Variants in TRAPPC9 observed in about 807,000 individuals in gnomAD.
The protein encoded by TRAPPC9 is IKK2 binding protein.
In TRAPPC9, 83 loss-of-function variants were observed where a neutral mutation model predicts 124.0. The ratio of observed to expected loss-of-function variants is 0.67; its 90% CI spans 0.56 to 0.80. The LOEUF is 0.80. TRAPPC9 is among the 30% of genes least tolerant of loss of function. The pLI, the probability that TRAPPC9 is intolerant of heterozygous loss-of-function variation, is 0.00. For missense variants in TRAPPC9, 1,302 were observed against 1,508.3 expected (o/e 0.86, Z 2.27); for synonymous variants, 638 against 617.5 (o/e 1.03, Z -0.49).
At chr8:139,887,713 T>G (rs1052199341) in intron 20 of TRAPPC9, among the ~76,000 whole-genome samples, 2 of 152,228 alleles carry the variant, frequency 1.3e-5, no homozygotes, top group African/African-American at 2.4e-5. Context: ...AAAGTGTGCA[T>G]GCATCCCATG....
intron 3 of TRAPPC9, among the ~76,000 whole-genome samples, chr8:140,435,721 G>A (rs1012604666): frequency 1.3e-5 from 2 of 152,166 alleles, no homozygotes; most frequent in Non-Finnish European, 2.9e-5. Context: ...CACCCCATAG[G>A]CATCTGCTCC....
At chr8:140,012,869 C>T (rs1284914279) in intron 18 of TRAPPC9, among the ~76,000 whole-genome samples, 1 of 152,156 alleles carries the variant, frequency 6.6e-6, no homozygotes. Context: ...CAGAGGGTCA[C>T]CGTAAGTTCT....
At chr8:140,361,493 T>C (rs532910864) in intron 8 of TRAPPC9, among the ~76,000 whole-genome samples, 2 of 152,228 alleles carry the variant, frequency 1.3e-5, no homozygotes, top group Admixed American at 6.5e-5. Context: ...GTTAAAGTTA[T>C]AAGGCTTCAG....
rs2071735672 is a variant in TRAPPC9, at chr8:140,457,695, C to G, written c.-67G>C. 4 of 987,520 alleles carry G rather than the reference C, an allele frequency of 4.1e-6. No homozygotes were observed. The highest frequency in any genetic ancestry group is 4.8e-6 in the Non-Finnish European group (4 of 831,334). The allele number at this position is 987,520 out of a possible 1,614,324, so 61.2% of individuals were successfully genotyped here. Reference sequence around the variant, plus strand: ...CCCACGACCTGGCGGGCAGCGGGGCCGAGCAGCCTCTGCGGCCACTTCCCA... The same window carrying G: ...CCCACGACCTGGCGGGCAGCGGGGCGGAGCAGCCTCTGCGGCCACTTCCCA... On this transcript the variant is annotated 5_prime_UTR_variant, in exon 1 of 23. Transcript: ENST00000438773.
chr8:140,090,742 T>C (rs540263529), intron 17 of TRAPPC9, among the ~76,000 whole-genome samples: 1 of 152,374 alleles, frequency 6.6e-6, no homozygotes, highest in Admixed American at 6.5e-5. Context: ...GGTAAAGAGC[T>C]GGGCATCTCA....
intron 19 of TRAPPC9, among the ~76,000 whole-genome samples, chr8:139,925,283 G>A (rs893615139): frequency 2.6e-5 from 4 of 152,202 alleles, no homozygotes; most frequent in African/African-American, 4.8e-5. Flanking sequence ...CAGAAATATC[G>A]CCTTTCTGCC....
intron 11 of TRAPPC9, among the ~76,000 whole-genome samples, chr8:140,299,517 G>A (rs1320820962): frequency 4.6e-5 from 7 of 152,250 alleles, no homozygotes; most frequent in African/African-American, 2.4e-5. Flanking sequence ...CCGCGGTTGC[G>A]CAGGCCTCCC....
intron 7 of TRAPPC9, among the ~76,000 whole-genome samples, chr8:140,387,972 C>T (rs1446228713): frequency 2.6e-5 from 4 of 151,954 alleles, no homozygotes; most frequent in Non-Finnish European, 5.9e-5. Context: ...TCGGAACCAA[C>T]CCAAATGTCC....
chr8:140,052,070 G>A (rs977209673), intron 17 of TRAPPC9, among the ~76,000 whole-genome samples: 4 of 151,970 alleles, frequency 2.6e-5, no homozygotes, highest in African/African-American at 9.7e-5. Flanking sequence ...GACCACCAGA[G>A]GAGGAAGGCA....
In TRAPPC9 at chr8:140,063,765, G is replaced by A. The variant is rs555063579; in HGVS notation, c.2557-39686C>T. Among the ~76,000 whole-genome samples, 97 of 152,216 alleles carry A rather than the reference G, an allele frequency of 6.4e-4. No individual in the cohort carries two copies. Among genetic ancestry groups the A allele is most frequent in the South Asian group, 4.8e-3 (23 of 4,816 alleles). On this transcript the variant is annotated intron_variant, in intron 17 of 22. Transcript: ENST00000438773. The surrounding 1 kb of genome is among the most constrained non-coding windows in gnomAD (Gnocchi z 4.3). ...TTCCTTAAGAGCGGGACTTGCGGGCGGGGTATGCATCAAATTTCTCCGAGT... is the reference window on the plus strand; with the variant it reads ...TTCCTTAAGAGCGGGACTTGCGGGCAGGGTATGCATCAAATTTCTCCGAGT...
chr8:140,284,518 A>T (rs2065430124), intron 13 of TRAPPC9, among the ~76,000 whole-genome samples: 1 of 152,218 alleles, frequency 6.6e-6, no homozygotes. Flanking sequence ...CTGTGTGTGT[A>T]TAAGCACCAT....
At chr8:139,784,608 C>CATACATATATATATATATATATAT (rs1554643612) in intron 21 of TRAPPC9, among the ~76,000 whole-genome samples, 1 of 88,678 alleles carries the variant, frequency 1.1e-5, no homozygotes, top group African/African-American at 4.0e-5. Flanking sequence ...AAAAGACTGA[C>CATACATATATATATATATATATAT]ATATATATAT....
chr8:140,184,658 A>T (rs1274734747), intron 17 of TRAPPC9, among the ~76,000 whole-genome samples: 1 of 152,206 alleles, frequency 6.6e-6, no homozygotes, highest in Non-Finnish European at 1.5e-5. Context: ...CATGTTAGCC[A>T]GGCTGGCCTC....
At position 140,081,346 on chromosome 8, in the gene TRAPPC9, C is replaced by CATTTTTTTTTTT. The variant is rs35254769; in HGVS notation, c.2557-57268_2557-57267insAAAAAAAAAAAT. On this transcript the variant is annotated intron_variant, in intron 17 of 22. Coordinates refer to ENST00000438773, the MANE Select transcript of TRAPPC9 (RefSeq NM_001160372.4). ...GTCAAGGTGAAGAATAAAATGAATG[C>CATTTTTTTTTTT]TTTTTTTTTTTTTTTTTGAGACAGA... is the stretch of plus-strand genomic sequence containing the variant. Among the ~76,000 whole-genome samples, 2 of 141,050 alleles carry CATTTTTTTTTTT rather than the reference C, an allele frequency of 1.4e-5. 1 individual carries two copies. 92.5% of individuals were successfully genotyped at this position (141,050 alleles called of 152,430 possible). A position where few individuals can be genotyped will look rare whatever the true frequency, so the allele number is the denominator to read the frequency against.
intron 5 of TRAPPC9, among the ~76,000 whole-genome samples, chr8:140,409,912 TC>T (rs1439475753): frequency 4.6e-5 from 7 of 151,804 alleles, no homozygotes; most frequent in African/African-American, 1.7e-4. Context: ...CAAGGAAGGC[TC>T]CTGGGTTGAG....
intron 18 of TRAPPC9, among the ~76,000 whole-genome samples, chr8:140,022,355 C>A (rs138433436): frequency 1.3e-5 from 2 of 152,256 alleles, no homozygotes; most frequent in South Asian, 2.1e-4. Flanking sequence ...AAAAGAACCA[C>A]GGAAACCAAA....
intron 21 of TRAPPC9, among the ~76,000 whole-genome samples, chr8:139,794,146 G>A (rs561687639): frequency 2.6e-4 from 39 of 152,026 alleles, no homozygotes; most frequent in Non-Finnish European, 5.0e-4. Flanking sequence ...CCACCCATGC[G>A]GCTCACGCCT....
Position 139,971,722 on chromosome 8 carries a change from T to TATAC in TRAPPC9, c.2810+17003_2810+17004insGTAT, listed in dbSNP as rs1304501822. Among the ~76,000 whole-genome samples, 635 of 116,036 alleles carry TATAC rather than the reference T, an allele frequency of 5.5e-3. 6 individuals carry two copies. The highest frequency in any genetic ancestry group is 0.016 in the African/African-American group (565 of 35,752). 76.1% of individuals were successfully genotyped at this position (116,036 alleles called of 152,430 possible). ...GAATGCTAAAGTTCATATATATATA[T>TATAC]ACACACACACACACACATATATATA... is the stretch of plus-strand genomic sequence containing the variant. On this transcript the variant is annotated intron_variant, in intron 19 of 22. Transcript: ENST00000438773.
chr8:139,732,226 G>A lies in TRAPPC9; in HGVS notation c.3056-24C>T, dbSNP rs777866722. 3.9e-5 allele frequency: 61 copies of A among 1,553,496 alleles called. 2 individuals are homozygous for A. In the South Asian group the frequency reaches 7.0e-4, roughly 18 times the overall value. Reference sequence around the variant, plus strand: ...ATCTGTAAGGGACACGAGACTGTCGGGGGCTGGGCTGGCCTGCACGGCCCA... The same window carrying A: ...ATCTGTAAGGGACACGAGACTGTCGAGGGCTGGGCTGGCCTGCACGGCCCA... On this transcript the variant is annotated intron_variant, in intron 21 of 22. Transcript: ENST00000438773.
Sources: gnomAD v4.1 joint callset for allele counts (sites outside exome capture counted in the v4.1 genomes callset) on GRCh38, gnomAD v4.1.1 for gene constraint, Gnocchi (gnomAD v3.1) non-coding constraint, MANE v1.5 for transcripts, NCBI Gene and HGNC (gene_info 2026-07-23, HGNC 2026-07-21) for gene names.